Variants in RIMS2 observed in about 807,000 individuals in gnomAD.
RIMS2 encodes regulating synaptic membrane exocytosis protein 2.
RIMS2 carries 59 observed loss-of-function variants against 174.4 expected under a neutral mutation model. That is an observed-to-expected ratio of 0.34 (90% CI 0.27 to 0.42). RIMS2 has a LOEUF of 0.42. RIMS2 is among the 10% of genes least tolerant of loss of function. The probability of loss-of-function intolerance (pLI) is 1.00; values close to 1 mark genes in which losing one functional copy is unlikely to be tolerated. For synonymous variants in RIMS2, 606 were observed against 572.5 expected, an observed-to-expected ratio of 1.06 and a Z score of -0.84; for missense variants, 1,620 against 1,666.3, an observed-to-expected ratio of 0.97 and a Z score of 0.48.
intron 16 of RIMS2, among the ~76,000 whole-genome samples, chr8:103,982,791 A>G (rs2094023906): frequency 6.6e-6 from 1 of 152,224 alleles, no homozygotes; most frequent in South Asian, 2.1e-4. Flanking sequence ...CACAGCTAGT[A>G]TCATACTGAA....
intron 19 of RIMS2, among the ~76,000 whole-genome samples, chr8:104,154,177 TA>T (rs1170763544): frequency 6.6e-6 from 1 of 152,136 alleles, no homozygotes; most frequent in African/African-American, 2.4e-5. Context: ...GGGGAAAAAG[TA>T]GGGAGACAGG....
intron 4 of RIMS2, among the ~76,000 whole-genome samples, chr8:103,892,969 A>C (rs977404661): frequency 2.0e-5 from 3 of 151,926 alleles, no homozygotes; most frequent in African/African-American, 7.2e-5. Flanking sequence ...TTATTATATT[A>C]TTATTATTAA....
At chr8:104,223,275 C>A in intron 19 of RIMS2, 1 of 738,082 alleles carries the variant, frequency 1.4e-6, no homozygotes, top group Non-Finnish European at 1.7e-6. Context: ...CCCCTCCGGC[C>A]GCTGATTGGC....
In RIMS2 at chr8:103,837,637, T is replaced by G. The variant is rs1169792293; in HGVS notation, c.699-47661T>G. ...TTTGGTTTTTTGTCCTTGCGATAGT[T>G]TGCTGAGAATGATGGTTTCCAGCTT... On this transcript the variant is annotated intron_variant, in intron 3 of 23. Coordinates refer to ENST00000504942, the Ensembl canonical transcript of RIMS2. Among the ~76,000 whole-genome samples the G allele has an allele frequency of 2.0e-5, 3 of 152,250 alleles. No homozygotes were observed. In the East Asian group the frequency reaches 5.8e-4, roughly 29 times the overall value.
intron 19 of RIMS2, among the ~76,000 whole-genome samples, chr8:104,144,846 T>C (rs950585117): frequency 6.6e-6 from 1 of 152,124 alleles, no homozygotes; most frequent in African/African-American, 2.4e-5. Flanking sequence ...TATAAAACTA[T>C]TTTTGGATTT....
intron 1 of RIMS2, among the ~76,000 whole-genome samples, chr8:103,678,713 G>A (rs981742793): frequency 1.3e-5 from 2 of 152,064 alleles, no homozygotes; most frequent in Non-Finnish European, 2.9e-5. Flanking sequence ...GCCTGTTGAA[G>A]CCTATCGATT....
At chr8:103,715,068 T>C (rs936534262) in intron 2 of RIMS2, among the ~76,000 whole-genome samples, 2 of 152,100 alleles carry the variant, frequency 1.3e-5, no homozygotes, top group Admixed American at 6.6e-5. Flanking sequence ...AAAAGAGATA[T>C]AAAATCAACC....
intron 19 of RIMS2, among the ~76,000 whole-genome samples, chr8:104,128,633 G>C (rs1031354519): frequency 6.6e-6 from 1 of 152,138 alleles, no homozygotes; most frequent in Non-Finnish European, 1.5e-5. Flanking sequence ...GGAGGCGGAG[G>C]TTGCGGTGAG....
intron 1 of RIMS2, among the ~76,000 whole-genome samples, chr8:103,654,820 A>G (rs2096504479): frequency 6.6e-6 from 1 of 151,982 alleles, no homozygotes; most frequent in South Asian, 2.1e-4. Context: ...TATTCATTTT[A>G]AGTTTTAAAT....
chr8:104,038,449 T>A (rs1316036690), intron 19 of RIMS2, among the ~76,000 whole-genome samples: 1 of 151,854 alleles, frequency 6.6e-6, no homozygotes, highest in African/African-American at 2.4e-5. Context: ...AGATGAAAAG[T>A]TGGGTTTGTT....
intron 1 of RIMS2, among the ~76,000 whole-genome samples, chr8:103,575,863 A>C (rs958743080): frequency 6.6e-6 from 1 of 152,118 alleles, no homozygotes; most frequent in African/African-American, 2.4e-5. Context: ...AGATATGCCT[A>C]AAGTTTCCCC....
chr8:104,070,913 G>A (rs2097185007), intron 19 of RIMS2, among the ~76,000 whole-genome samples: 1 of 152,096 alleles, frequency 6.6e-6, no homozygotes. Context: ...TGTGGGCAAT[G>A]TCAACCCTGA....
chr8:103,838,135 A>G (rs2098915727), intron 3 of RIMS2, among the ~76,000 whole-genome samples: 1 of 151,940 alleles, frequency 6.6e-6, no homozygotes, highest in Non-Finnish European at 1.5e-5. Flanking sequence ...TTGTAGAAGT[A>G]GGGTTTCACC....
chr8:103,500,976 C>T, exon 1 of RIMS2: 2 of 1,610,654 alleles, frequency 1.2e-6, no homozygotes, highest in Non-Finnish European at 1.7e-6. Flanking sequence ...CTGACCTCAG[C>T]CACCTCACGG....
chr8:103,927,714 A>G (rs2079051665), intron 10 of RIMS2: 3 of 677,968 alleles, frequency 4.4e-6, no homozygotes, highest in African/African-American at 1.8e-5. Context: ...TTTGATAAAT[A>G]TTGTCATGGA....
intron 17 of RIMS2, among the ~76,000 whole-genome samples, chr8:103,998,015 A>G (rs1463199992): frequency 6.6e-6 from 1 of 151,714 alleles, no homozygotes; most frequent in Non-Finnish European, 1.5e-5. Flanking sequence ...TGGCACTGTC[A>G]TATTACAGTG....
chr8:103,998,214 ACAGT>A, intron 17 of RIMS2: 1 of 1,610,238 alleles, frequency 6.2e-7, no homozygotes, highest in Non-Finnish European at 8.5e-7. Flanking sequence ...CGCTCCAGAT[ACAGT>A]CAGACCATTG....
chr8:103,727,949 G>A (rs1237226377), intron 2 of RIMS2, among the ~76,000 whole-genome samples: 1 of 130,318 alleles, frequency 7.7e-6, no homozygotes, highest in Admixed American at 8.9e-5. Context: ...ACAAATTTTA[G>A]TATTTTTTTT....
chr8:104,039,690 A>G (rs1238741630), intron 19 of RIMS2, among the ~76,000 whole-genome samples: 2 of 151,774 alleles, frequency 1.3e-5, no homozygotes, highest in East Asian at 1.9e-4. Flanking sequence ...TTTTGTGTAT[A>G]AAAACACAAT....
Sources: gnomAD v4.1 joint callset for allele counts (sites outside exome capture counted in the v4.1 genomes callset) on GRCh38, gnomAD v4.1.1 for gene constraint, MANE v1.5 for transcripts, NCBI Gene and HGNC (gene_info 2026-07-23, HGNC 2026-07-21) for gene names.